The following PDZD9 variants were observed in gnomAD, a reference collection of about 807,000 sequenced individuals.
PDZD9 encodes PDZ domain-containing protein 9.
A neutral mutation model predicts 16.3 loss-of-function variants in PDZD9; 13 were observed. The ratio of observed to expected loss-of-function variants is 0.80; its 90% confidence interval spans 0.52 to 1.27. The LOEUF (loss-of-function observed/expected upper bound fraction) is 1.27. Among genes scored for constraint, PDZD9 ranks in the 50% most tolerant of loss-of-function variants. The pLI, the probability that PDZD9 is intolerant of heterozygous loss-of-function variation, is 0.00. For synonymous variants in PDZD9, 120 were observed against 111.0 expected, an observed-to-expected ratio of 1.08 and a Z score of -0.51; for missense variants, 288 against 310.9, an observed-to-expected ratio of 0.93 and a Z score of 0.55.
At chr16:21,973,841 C>T in the PDZD9 span, 26 of 1,520,318 alleles carry the variant, frequency 1.7e-5, no homozygotes, top group South Asian at 4.7e-5. Context: ...TTAAAGAAAT[C>T]GTGCCCTGTT....
At chr16:21,994,079 C>T (rs928674928) in intron 2 of PDZD9, among the ~76,000 whole-genome samples, 7 of 152,020 alleles carry the variant, frequency 4.6e-5, no homozygotes, top group African/African-American at 1.7e-4. Context: ...CGCCTGAGTC[C>T]CAGCTACTGA....
downstream of PDZD9, chr16:21,980,683 A>T (rs770710832): frequency 1.1e-5 from 18 of 1,613,532 alleles, no homozygotes; most frequent in African/African-American, 5.3e-5. Context: ...TTCAGTGGCT[A>T]ATGCTGATAT....
At chr16:21,980,465 G>A, downstream of PDZD9, 4 of 1,473,910 alleles carry the variant, frequency 2.7e-6, no homozygotes, top group Non-Finnish European at 3.7e-6. Context: ...AAGCTTTGAT[G>A]TTCACAGCCC....
At chr16:21,981,125 C>T (rs567514407), downstream of PDZD9, among the ~76,000 whole-genome samples, 1 of 152,120 alleles carries the variant, frequency 6.6e-6, no homozygotes, top group South Asian at 2.1e-4. Context: ...TGCTATTTTT[C>T]CTCTTCAGTC....
At chr16:21,998,233 A>G (rs2141964176) in intron 1 of PDZD9, 2 of 162,172 alleles carry the variant, frequency 1.2e-5, no homozygotes, top group South Asian at 3.5e-4. Context: ...CTTATAAGGT[A>G]AGCTACCAGG....
chr16:21,983,027 C>T, downstream of PDZD9: 1 of 1,470,386 alleles, frequency 6.8e-7, no homozygotes, highest in Non-Finnish European at 9.4e-7. Context: ...AATAAGTTCG[C>T]CTGCTTGATG....
In PDZD9 at chr16:21,995,441, T is replaced by C. The variant is rs1481600835; in HGVS notation, c.211+881A>G. 4 of 310,442 alleles carry C rather than the reference T, an allele frequency of 1.3e-5. No individual in the cohort carries two copies. The Admixed American group carries it at 1.7e-4, about 13-fold the overall frequency. 19.2% of individuals were successfully genotyped at this position (310,442 alleles called of 1,614,324 possible). A position where few individuals can be genotyped will look rare whatever the true frequency, so the allele number is the denominator to read the frequency against. On this transcript the variant is annotated intron_variant, in intron 2 of 3. Coordinates refer to ENST00000424898, the MANE Select transcript of PDZD9 (RefSeq NM_001363519.1). ...GTTGCTCAGGCTGGCCTTGAATTCCTGGCATCAACGGATCCTCCCACCTTG... is the reference window on the plus strand; with the variant it reads ...GTTGCTCAGGCTGGCCTTGAATTCCCGGCATCAACGGATCCTCCCACCTTG...
the PDZD9 span, chr16:21,962,345 G>T: frequency 8.1e-7 from 1 of 1,233,288 alleles, no homozygotes; most frequent in South Asian, 1.4e-5. Flanking sequence ...ATTATTGTTC[G>T]CACCTTTTAT....
chr16:21,980,318 A>T (rs1898687252), downstream of PDZD9: 2 of 485,458 alleles, frequency 4.1e-6, no homozygotes, highest in South Asian at 3.2e-5. Flanking sequence ...GTGGGCCCTC[A>T]ATTGGACACT....
At chr16:21,985,022 G>T (rs150341299) in intron 3 of PDZD9, among the ~76,000 whole-genome samples, 1 of 152,264 alleles carries the variant, frequency 6.6e-6, no homozygotes, top group East Asian at 1.9e-4. Flanking sequence ...TGTGGCTCAC[G>T]TGGCATTAAC....
the PDZD9 span, among the ~76,000 whole-genome samples, chr16:21,969,609 A>G: frequency 6.6e-6 from 1 of 152,188 alleles, no homozygotes; most frequent in Non-Finnish European, 1.5e-5. Flanking sequence ...ACATTAGGTC[A>G]AGTTTACAAA....
chr16:22,000,053 A>AG, intron 1 of PDZD9, among the ~76,000 whole-genome samples: 1 of 152,226 alleles, frequency 6.6e-6, no homozygotes, highest in East Asian at 1.9e-4. Context: ...AAAAAAAAAA[A>AG]AAATTAGCTG....
chr16:21,988,935 T>C (rs1898955600), intron 2 of PDZD9, 144 bp from the exon 3 acceptor site: 1 of 687,456 alleles, frequency 1.5e-6, no homozygotes, highest in South Asian at 2.4e-5. Context: ...AGCCTTTTTT[T>C]TTTTTTTTTT....
chr16:21,976,686 C>T, the PDZD9 span: 1 of 153,156 alleles, frequency 6.5e-6, no homozygotes, highest in Admixed American at 6.5e-5. Flanking sequence ...ACCCTAATAA[C>T]CCAGTCATCC....
At chr16:21,970,246 A>T in the PDZD9 span, among the ~76,000 whole-genome samples, 144 of 152,312 alleles carry the variant, frequency 9.5e-4, 1 homozygote, top group Middle Eastern at 0.014. Context: ...GCTGTCGTAA[A>T]TATAAACATT....
At chr16:21,996,282 C>A in intron 2 of PDZD9, 40 bp downstream of exon 2, 1 of 1,511,608 alleles carries the variant, frequency 6.6e-7, no homozygotes, top group South Asian at 1.2e-5. Flanking sequence ...GGCAGATGGG[C>A]AGGATGGGTG....
intron 3 of PDZD9, among the ~76,000 whole-genome samples, chr16:21,986,351 A>G (rs770421757): frequency 5.9e-5 from 9 of 152,212 alleles, no homozygotes; most frequent in South Asian, 4.1e-4. Context: ...GTACTGTTCT[A>G]TCTTTTCTTT....
At chr16:21,980,812 C>A, downstream of PDZD9, 1 of 1,265,178 alleles carries the variant, frequency 7.9e-7, no homozygotes, top group Non-Finnish European at 1.1e-6. Flanking sequence ...ATGTTTGGTG[C>A]TCATCTACTT....
rs1899289866 is a variant in PDZD9 at position 22,001,075 on chromosome 16, G to A, written c.-28C>T. ...TCCCGGGAGGTCAGGCAGCCCGGGA[G>A]GGCCTCCCGGAGCAGAGGCTGGAGT... On this transcript the variant is annotated 5_prime_UTR_variant, in exon 1 of 4. Transcript: ENST00000424898. 4 of 1,510,686 alleles carry A rather than the reference G, an allele frequency of 2.6e-6. No homozygotes were observed. Among genetic ancestry groups the A allele is most frequent in the African/African-American group, 1.4e-5 (1 of 71,704 alleles). The allele number at this position is 1,510,686 out of a possible 1,614,324, so 93.6% of individuals were successfully genotyped here. A position where few individuals can be genotyped will look rare whatever the true frequency, so the allele number is the denominator to read the frequency against.
Sources: allele counts gnomAD v4.1 joint callset (sites outside exome capture counted in the v4.1 genomes callset), GRCh38; gene constraint gnomAD v4.1.1; transcripts MANE v1.5; gene names NCBI Gene and HGNC (gene_info 2026-07-23, HGNC 2026-07-21).